IMMP2L: variants seen among roughly 807,000 people sequenced by gnomAD.
The protein encoded by IMMP2L is inner mitochondrial membrane peptidase subunit 2.
Under a neutral mutation model 19.3 loss-of-function variants are expected in IMMP2L, and 18 were observed. The observed-to-expected ratio is 0.93, with a 90% CI of 0.64 to 1.38. The LOEUF (loss-of-function observed/expected upper bound fraction) is 1.38. Ranked by LOEUF, IMMP2L falls within the 40% of genes most tolerant of loss-of-function variation. IMMP2L has a pLI of 0.00. For synonymous variants in IMMP2L, 76 were observed against 73.0 expected (o/e 1.04, Z -0.21); for missense variants, 233 against 218.2 (o/e 1.07, Z -0.43).
At chr7:111,369,521 T>G (rs527883762) in intron 3 of IMMP2L, among the ~76,000 whole-genome samples, 1 of 152,002 alleles carries the variant, frequency 6.6e-6, no homozygotes, top group African/African-American at 2.4e-5. Flanking sequence ...GGTGAGAGTC[T>G]AAAAAGCCAG....
intron 3 of IMMP2L, among the ~76,000 whole-genome samples, chr7:111,071,759 T>C (rs1794972924): frequency 6.6e-6 from 1 of 152,098 alleles, no homozygotes; most frequent in Admixed American, 6.6e-5. Context: ...GCTTAATGGG[T>C]ACAGTTTTTT....
intron 1 of IMMP2L, among the ~76,000 whole-genome samples, chr7:111,541,909 C>T (rs2132974488): frequency 6.6e-6 from 1 of 152,162 alleles, no homozygotes; most frequent in Non-Finnish European, 1.5e-5. Flanking sequence ...AATTTCACCT[C>T]TTCATACATG....
intron 5 of IMMP2L, among the ~76,000 whole-genome samples, chr7:110,875,540 T>A (rs745861296): frequency 6.6e-6 from 1 of 152,054 alleles, no homozygotes; most frequent in Admixed American, 6.6e-5. Context: ...TCTCATTAGG[T>A]TTTTGTGAAA....
chr7:111,124,183 G>A (rs1189094329), intron 3 of IMMP2L: 1 of 1,613,826 alleles, frequency 6.2e-7, no homozygotes, highest in African/African-American at 1.3e-5. Context: ...TACCCTGACA[G>A]ACAAGTTCTA....
chr7:110,665,460 A>G (rs1791385022), intron 5 of IMMP2L, among the ~76,000 whole-genome samples: 1 of 152,244 alleles, frequency 6.6e-6, no homozygotes, highest in African/African-American at 2.4e-5. Context: ...ATTACTTATT[A>G]CATAGTTCAT....
intron 3 of IMMP2L, among the ~76,000 whole-genome samples, chr7:111,375,229 A>G (rs1429498672): frequency 6.6e-6 from 1 of 152,126 alleles, no homozygotes; most frequent in Non-Finnish European, 1.5e-5. Context: ...GGCAGGTCAA[A>G]AGACAAAAAC....
chr7:110,929,146 GT>G (rs1815200754), intron 4 of IMMP2L, among the ~76,000 whole-genome samples: 2 of 152,142 alleles, frequency 1.3e-5, no homozygotes, highest in African/African-American at 4.8e-5. Context: ...TGAGACTTAA[GT>G]GTACATGATG....
chr7:111,243,449 A>G (rs1354394874), intron 3 of IMMP2L, among the ~76,000 whole-genome samples: 3 of 151,832 alleles, frequency 2.0e-5, no homozygotes, highest in Non-Finnish European at 2.9e-5. Context: ...TGTTTTACAT[A>G]TATAATTTTA....
In IMMP2L at chr7:110,818,488, A is replaced by G. The variant is rs1203563784; in HGVS notation, c.408+68105T>C. On this transcript the variant is annotated intron_variant, in intron 5 of 5. Transcript: ENST00000405709. ...AACAGGTGCTGGAGAGGATGTGGAG[A>G]AATAGGAACACTTTTACACTGTTGG... Among the ~76,000 whole-genome samples, 36 of 152,162 alleles carry G rather than the reference A, an allele frequency of 2.4e-4. No individual in the cohort carries two copies. In the East Asian group the frequency reaches 6.8e-3, roughly 29 times the overall value.
intron 3 of IMMP2L, among the ~76,000 whole-genome samples, chr7:111,408,932 C>G (rs60817151): frequency 6.6e-6 from 1 of 151,588 alleles, no homozygotes; most frequent in South Asian, 2.1e-4. Context: ...CAGACTAGCA[C>G]TGAAAAACCT....
chr7:111,155,685 TACAC>T (rs986612364), intron 3 of IMMP2L, among the ~76,000 whole-genome samples: 3 of 151,518 alleles, frequency 2.0e-5, no homozygotes, highest in Admixed American at 6.6e-5. Flanking sequence ...TATATATATA[TACAC>T]ACACACAGAC....
chr7:111,265,658 C>T (rs1017235306), intron 3 of IMMP2L, among the ~76,000 whole-genome samples: 57 of 152,120 alleles, frequency 3.7e-4, no homozygotes, highest in African/African-American at 1.3e-3. Context: ...GGCAGAAGCA[C>T]TGAGTCTGCA....
At chr7:111,183,044 T>A (rs1807884179) in intron 3 of IMMP2L, among the ~76,000 whole-genome samples, 1 of 152,080 alleles carries the variant, frequency 6.6e-6, no homozygotes, top group African/African-American at 2.4e-5. Flanking sequence ...TATAAAGTGG[T>A]TAAGACATAT....
intron 3 of IMMP2L, among the ~76,000 whole-genome samples, chr7:111,113,456 T>C (rs888140507): frequency 1.3e-5 from 2 of 151,992 alleles, no homozygotes; most frequent in Non-Finnish European, 2.9e-5. Context: ...GCTTGCAAGA[T>C]CAGAAAGCAT....
At position 110,995,863 on chromosome 7, in the gene IMMP2L, T is replaced by C. The variant is rs146368383; in HGVS notation, c.240-32298A>G. On this transcript the variant is annotated intron_variant, in intron 3 of 5. Transcript: ENST00000405709. ...TAATCCACCTGGGACACTAGAATAG[T>C]AAAGAAATATAATTCTACAGGTTAG... Among the ~76,000 whole-genome samples the C allele has an allele frequency of 1.7e-4, 26 of 152,232 alleles. No homozygotes were observed. The East Asian group carries it at 3.7e-3, about 21-fold the overall frequency.
intron 3 of IMMP2L, among the ~76,000 whole-genome samples, chr7:111,413,364 C>T (rs1306722225): frequency 6.6e-6 from 1 of 151,710 alleles, no homozygotes; most frequent in Non-Finnish European, 1.5e-5. Flanking sequence ...TTTATGAAGC[C>T]ACCAAGCCTC....
intron 1 of IMMP2L, among the ~76,000 whole-genome samples, chr7:111,540,857 C>A (rs927148245): frequency 1.3e-5 from 2 of 152,140 alleles, no homozygotes; most frequent in African/African-American, 4.8e-5. Flanking sequence ...AGACGACATT[C>A]CACTCCTTTA....
At chr7:111,443,591 G>A (rs543278440) in intron 3 of IMMP2L, among the ~76,000 whole-genome samples, 84 of 152,240 alleles carry the variant, frequency 5.5e-4, no homozygotes, top group Admixed American at 4.4e-3. Context: ...TTTCTTCCCA[G>A]TCCAGACTGC....
At position 110,963,485 on chromosome 7, in the gene IMMP2L, A is replaced by G. The variant is rs1819184789; in HGVS notation, c.305+15T>C. 6.4e-7 allele frequency: 1 copy of G among 1,551,568 alleles called. No homozygotes were observed. The highest frequency in any genetic ancestry group is 1.4e-5 in the African/African-American group (1 of 73,122). ...TATTTAAAACTTGAACTCAGAAACA[A>G]CAGTAAATACTTACCTGACAATATC... On this transcript the variant is annotated intron_variant, in intron 4 of 5. Coordinates refer to ENST00000405709, the MANE Select transcript of IMMP2L (RefSeq NM_032549.4).
Sources: gnomAD v4.1 joint callset for allele counts (sites outside exome capture counted in the v4.1 genomes callset) on GRCh38, gnomAD v4.1.1 for gene constraint, MANE v1.5 for transcripts, NCBI Gene and HGNC (gene_info 2026-07-23, HGNC 2026-07-21) for gene names.